The following THSD7B variants were observed in gnomAD, a reference collection of about 807,000 sequenced individuals.
The protein encoded by THSD7B is thrombospondin type-1 domain-containing protein 7B.
A neutral mutation model predicts 213.6 loss-of-function variants in THSD7B; 138 were observed. That is an observed-to-expected ratio of 0.65 (90% CI 0.56 to 0.74). THSD7B has a LOEUF of 0.74. THSD7B is among the 30% of genes least tolerant of loss of function. The pLI, the probability that THSD7B is intolerant of heterozygous loss-of-function variation, is 0.00. For synonymous variants in THSD7B, 742 were observed against 687.0 expected (o/e 1.08, Z -1.25); for missense variants, 1,931 against 1,991.5 (o/e 0.97, Z 0.58).
intron 7 of THSD7B, among the ~76,000 whole-genome samples, chr2:137,214,106 A>G (rs1297340080): frequency 6.6e-6 from 1 of 152,128 alleles, no homozygotes; most frequent in Non-Finnish European, 1.5e-5. Flanking sequence ...AATAAGTTGA[A>G]GGCTTTGATT....
intron 1 of THSD7B, among the ~76,000 whole-genome samples, chr2:136,826,936 CT>C (rs1284346921): frequency 6.6e-6 from 1 of 152,180 alleles, no homozygotes; most frequent in Non-Finnish European, 1.5e-5. Flanking sequence ...AATTTATATA[CT>C]TACATCTCCA....
chr2:137,585,501 C>G (rs2104806875), intron 17 of THSD7B, among the ~76,000 whole-genome samples: 1 of 152,182 alleles, frequency 6.6e-6, no homozygotes, highest in East Asian at 1.9e-4. Flanking sequence ...CCTCTACACA[C>G]TGCTTTAAAT....
chr2:136,791,991 C>A (rs994725174), intron 1 of THSD7B, among the ~76,000 whole-genome samples: 7 of 151,976 alleles, frequency 4.6e-5, no homozygotes, highest in South Asian at 2.1e-4. Context: ...ACAATCCGAC[C>A]AGCAGTGTAT....
At chr2:137,136,830 AT>A (rs1277110144) in intron 5 of THSD7B, among the ~76,000 whole-genome samples, 1 of 152,168 alleles carries the variant, frequency 6.6e-6, no homozygotes, top group Non-Finnish European at 1.5e-5. Flanking sequence ...AAGACAATTC[AT>A]TTTTTATGTT....
chr2:137,290,513 A>T (rs1683307946), intron 12 of THSD7B, among the ~76,000 whole-genome samples: 1 of 152,010 alleles, frequency 6.6e-6, no homozygotes, highest in Non-Finnish European at 1.5e-5. Flanking sequence ...TTCTCCACTG[A>T]AACCTTACAT....
At chr2:136,857,741 A>G (rs1019944967) in intron 1 of THSD7B, among the ~76,000 whole-genome samples, 1 of 152,226 alleles carries the variant, frequency 6.6e-6, no homozygotes, top group African/African-American at 2.4e-5. Context: ...TGCTAAATTC[A>G]TACATGACTA....
intron 1 of THSD7B, among the ~76,000 whole-genome samples, chr2:136,846,641 T>C (rs1683013953): frequency 6.6e-6 from 1 of 152,154 alleles, no homozygotes. Context: ...ATGGGCATTA[T>C]TATAATTATA....
intron 15 of THSD7B, among the ~76,000 whole-genome samples, chr2:137,462,961 A>C (rs1687915617): frequency 2.0e-5 from 3 of 152,222 alleles, no homozygotes; most frequent in African/African-American, 7.2e-5. Context: ...TGAAATTGTG[A>C]AGAAGGAAAA....
At chr2:137,670,830 A>G (rs1413993208) in intron 27 of THSD7B, among the ~76,000 whole-genome samples, 1 of 149,694 alleles carries the variant, frequency 6.7e-6, no homozygotes, top group Non-Finnish European at 1.5e-5. Context: ...CTGAGGCAGG[A>G]GAATGGTGTG....
intron 12 of THSD7B, among the ~76,000 whole-genome samples, chr2:137,363,222 G>A (rs115270175): frequency 0.016 from 2,364 of 152,244 alleles, 66 homozygotes; most frequent in African/African-American, 0.054. Flanking sequence ...GAATTTCTAG[G>A]ACACAATTAA....
intron 2 of THSD7B, among the ~76,000 whole-genome samples, chr2:136,952,496 G>C (rs1161028253): frequency 6.9e-6 from 1 of 144,794 alleles, no homozygotes; most frequent in Non-Finnish European, 1.5e-5. Flanking sequence ...AAATATCTGA[G>C]ATGATTTAAT....
intron 15 of THSD7B, among the ~76,000 whole-genome samples, chr2:137,518,341 G>T (rs891530731): frequency 1.3e-5 from 2 of 152,190 alleles, no homozygotes; most frequent in Non-Finnish European, 2.9e-5. Flanking sequence ...GTGGTGAAGG[G>T]AAGTCTTCCC....
At chr2:137,014,839 C>G (rs1219763678) in intron 2 of THSD7B, among the ~76,000 whole-genome samples, 2 of 152,090 alleles carry the variant, frequency 1.3e-5, no homozygotes, top group African/African-American at 4.8e-5. Context: ...TCTTCAATTT[C>G]CTTCACTGCA....
At chr2:137,539,114 A>C (rs75070445) in intron 15 of THSD7B, among the ~76,000 whole-genome samples, 25,298 of 151,636 alleles carry the variant, frequency 0.17, 2,251 homozygotes, top group South Asian at 0.28. Flanking sequence ...CTATTTCTGT[A>C]CACCCCAATT....
chr2:137,481,428 G>A (rs1688304751), intron 15 of THSD7B, among the ~76,000 whole-genome samples: 1 of 152,136 alleles, frequency 6.6e-6, no homozygotes, highest in Admixed American at 6.5e-5. Context: ...TTTCCAGATT[G>A]AATTATTATG....
At chr2:137,511,132 G>C (rs1299051871) in intron 15 of THSD7B, among the ~76,000 whole-genome samples, 1 of 151,830 alleles carries the variant, frequency 6.6e-6, no homozygotes, top group South Asian at 2.1e-4. Context: ...TCTTTGGATT[G>C]GATATTGATC....
chr2:137,226,872 G>A (rs555198605), intron 7 of THSD7B, among the ~76,000 whole-genome samples: 22 of 146,714 alleles, frequency 1.5e-4, no homozygotes, highest in Non-Finnish European at 1.9e-4. Flanking sequence ...ACACATTTCA[G>A]TATATACATA....
intron 21 of THSD7B, among the ~76,000 whole-genome samples, chr2:137,646,550 G>T (rs1030791179): frequency 2.7e-5 from 4 of 150,460 alleles, no homozygotes; most frequent in African/African-American, 9.8e-5. Flanking sequence ...TACTCGTGAG[G>T]CTGAGGCAGA....
At chr2:136,943,495 T>C (rs1196987169) in intron 2 of THSD7B, among the ~76,000 whole-genome samples, 1 of 152,228 alleles carries the variant, frequency 6.6e-6, no homozygotes, top group Non-Finnish European at 1.5e-5. Flanking sequence ...AATTCAGCTG[T>C]GAATCTGTCT....
Sources: gnomAD v4.1 joint callset for allele counts (sites outside exome capture counted in the v4.1 genomes callset) on GRCh38, gnomAD v4.1.1 for gene constraint, MANE v1.5 for transcripts, NCBI Gene and HGNC (gene_info 2026-07-23, HGNC 2026-07-21) for gene names.